The following ZC3H14 variants were observed in gnomAD, a reference collection of about 807,000 sequenced individuals.
ZC3H14 encodes the protein zinc finger CCCH domain-containing protein 14.
A neutral mutation model predicts 92.4 loss-of-function variants in ZC3H14; 31 were observed. The observed-to-expected ratio is 0.34, with a 90% CI of 0.25 to 0.45. The LOEUF is 0.45. Ranked by LOEUF, ZC3H14 falls within the 20% of genes least tolerant of loss-of-function variation. The pLI is 1.00. For synonymous variants in ZC3H14, 321 were observed against 300.9 expected (o/e 1.07, Z -0.69); for missense variants, 781 against 897.3 (o/e 0.87, Z 1.66).
chr14:88,587,567 CA>C (rs984118074), intron 9 of ZC3H14, among the ~76,000 whole-genome samples: 29 of 152,238 alleles, frequency 1.9e-4, no homozygotes, highest in African/African-American at 7.0e-4. Context: ...CAAAGCTGAT[CA>C]AATTTACATT....
chr14:88,588,559 G>A (rs1422551653), intron 9 of ZC3H14, among the ~76,000 whole-genome samples: 1 of 152,024 alleles, frequency 6.6e-6, no homozygotes, highest in East Asian at 1.9e-4. Context: ...TTTTCTCCGG[G>A]AACTTTTTTT....
Position 88,626,226 on chromosome 14 carries a change from C to G in ZC3H14, c.*14475C>G, listed in dbSNP as rs1461206897. 6.6e-6 allele frequency: 1 copy of G among 152,160 alleles called. No homozygotes were observed. The highest frequency in any genetic ancestry group is 1.5e-5 in the Non-Finnish European group (1 of 68,058). 9.4% of individuals were successfully genotyped at this position (152,160 alleles called of 1,614,324 possible). On this transcript the variant is annotated 3_prime_UTR_variant, in exon 17 of 17. Transcript: ENST00000251038. ...CTTTCTCTCTGACAAATTTTTAGGA[C>G]TATGAAGAACTACTAGGAAGACAGA...
chr14:88,563,700 G>A lies in ZC3H14; in HGVS notation c.79+7G>A. 6.2e-7 allele frequency: 1 copy of A among 1,613,458 alleles called. No homozygotes were observed. The highest frequency in any genetic ancestry group is 8.5e-7 in the Non-Finnish European group (1 of 1,179,372). The stretch of plus-strand genomic sequence containing the variant: ...GAATTAGGAGCTTATGTTGGTAAGT[G>A]TTTTTTTGGTTGTTAGTCTTACAGA... On this transcript the variant is annotated splice_region_variant and intron_variant, in intron 2 of 16. Transcript: ENST00000251038.
intron 10 of ZC3H14, among the ~76,000 whole-genome samples, chr14:88,600,922 C>T (rs960987855): frequency 1.3e-5 from 2 of 152,142 alleles, no homozygotes; most frequent in Non-Finnish European, 2.9e-5. Flanking sequence ...TGTGAAAGCC[C>T]CTTTCCTTCT....
chr14:88,602,963 T>C lies in ZC3H14; in HGVS notation c.1650T>C (p.Thr550=), dbSNP rs775612785. ...AAGGAATGAAACCCGTAAACCAAAC[T>C]GCAGCCTCAAACAAGGGACTCAGAG... is the stretch of plus-strand genomic sequence containing the variant. ...CFEGMKPVNQ[T]AASNKGLRGL... is the part of the protein sequence containing the mutation. Residue 550 remains threonine, a synonymous_variant, in exon 12 of 17, where the codon ACT becomes ACC. Transcript: ENST00000251038. 1 of 1,614,132 alleles carries C rather than the reference T, an allele frequency of 6.2e-7. No homozygotes were observed. Among genetic ancestry groups the C allele is most frequent in the Non-Finnish European group, 8.5e-7 (1 of 1,180,014 alleles).
intron 10 of ZC3H14, among the ~76,000 whole-genome samples, chr14:88,601,619 T>G (rs2084657850): frequency 6.6e-6 from 1 of 152,208 alleles, no homozygotes; most frequent in African/African-American, 2.4e-5. Flanking sequence ...AAAAGATTTT[T>G]GTACTTTAAG....
intron 13 of ZC3H14, chr14:88,608,498 T>G: frequency 3.6e-6 from 1 of 279,760 alleles, no homozygotes; most frequent in Non-Finnish European, 7.0e-6. Context: ...CTCTCCAGAG[T>G]AGCGTATTTC....
In ZC3H14 at chr14:88,624,040, G is replaced by T. The variant is rs567715395; in HGVS notation, c.*12289G>T. On this transcript the variant is annotated 3_prime_UTR_variant, in exon 17 of 17. Coordinates refer to ENST00000251038, the MANE Select transcript of ZC3H14 (RefSeq NM_024824.5). ...GGTTCTTTCAATCCTGTATTGAAATGTACTTCTTAGTCAACTATATGTCAC... is the reference window on the plus strand; with the variant it reads ...GGTTCTTTCAATCCTGTATTGAAATTTACTTCTTAGTCAACTATATGTCAC... The T allele has an allele frequency of 6.6e-6, 1 of 152,212 alleles. No homozygotes were observed. Among genetic ancestry groups the T allele is most frequent in the South Asian group, 2.1e-4 (1 of 4,810 alleles). The allele number at this position is 152,212 out of a possible 1,614,324, so 9.4% of individuals were successfully genotyped here. A position where few individuals can be genotyped will look rare whatever the true frequency, so the allele number is the denominator to read the frequency against.
chr14:88,605,257 A>T (rs1246767856), intron 12 of ZC3H14, among the ~76,000 whole-genome samples: 2 of 152,228 alleles, frequency 1.3e-5, no homozygotes, highest in Non-Finnish European at 2.9e-5. Flanking sequence ...AAAACCTGTA[A>T]AAATTAGAGA....
chr14:88,594,510 T>G, intron 9 of ZC3H14: 1 of 1,398,654 alleles, frequency 7.1e-7, no homozygotes. Context: ...TTTAGCTTTT[T>G]CACATTTAGT....
In ZC3H14 at chr14:88,607,358, C is replaced by T. The variant is rs748380041; in HGVS notation, c.1863C>T (p.Pro621=). ...GTGCCTACCATCACCCCATCTCACC[C>T]TGCAAGTGAGTACCATCCCCCCATC... ...DECAYHHPIS[P]CKAFPNCKFA... Residue 621 remains proline, a synonymous_variant, in exon 13 of 17, where the codon CCC becomes CCT. Transcript: ENST00000251038. The T allele has an allele frequency of 1.2e-6, 2 of 1,609,816 alleles. No individual in the cohort carries two copies. The highest frequency in any genetic ancestry group is 1.7e-5 in the Admixed American group (1 of 59,750).
At position 88,618,958 on chromosome 14, in the gene ZC3H14, A is replaced by G. The variant is rs982872441; in HGVS notation, c.*7207A>G. 1.6e-6 allele frequency: 1 copy of G among 637,014 alleles called. No individual in the cohort carries two copies. Among genetic ancestry groups the G allele is most frequent in the African/African-American group, 1.9e-5 (1 of 53,850 alleles). 39.5% of individuals were successfully genotyped at this position (637,014 alleles called of 1,614,324 possible). A position where few individuals can be genotyped will look rare whatever the true frequency, so the allele number is the denominator to read the frequency against. On this transcript the variant is annotated 3_prime_UTR_variant, in exon 17 of 17. Coordinates refer to ENST00000251038, the MANE Select transcript of ZC3H14 (RefSeq NM_024824.5). Reference sequence around the variant, plus strand: ...ACCTGTCAGACACAACTGATCATGTATACTGAGATTGTCTGGGTTACATGA... The same window carrying G: ...ACCTGTCAGACACAACTGATCATGTGTACTGAGATTGTCTGGGTTACATGA...
chr14:88,610,387 G>A (rs904391088), intron 15 of ZC3H14, among the ~76,000 whole-genome samples: 2 of 152,096 alleles, frequency 1.3e-5, no homozygotes, highest in Non-Finnish European at 2.9e-5. Context: ...GTGATTCTTT[G>A]ACTAGAATTT....
intron 9 of ZC3H14, among the ~76,000 whole-genome samples, chr14:88,592,743 C>G (rs2083310361): frequency 6.6e-6 from 1 of 151,966 alleles, no homozygotes; most frequent in Non-Finnish European, 1.5e-5. Context: ...TCAAGTGATC[C>G]ACCTGCCTTG....
rs1208497257 is a variant in ZC3H14 at position 88,621,402 on chromosome 14, T to C, written c.*9651T>C. 1 of 1,459,196 alleles carries C rather than the reference T, an allele frequency of 6.9e-7. No individual in the cohort carries two copies. The highest frequency in any genetic ancestry group is 9.4e-7 in the Non-Finnish European group (1 of 1,058,488). The allele number at this position is 1,459,196 out of a possible 1,614,324, so 90.4% of individuals were successfully genotyped here. ...CTATTGACCTGCTTTCAGAGAACTTTTTGCTTTGAGCTAATCTAGTAGCAA... is the reference window on the plus strand; with the variant it reads ...CTATTGACCTGCTTTCAGAGAACTTCTTGCTTTGAGCTAATCTAGTAGCAA... On this transcript the variant is annotated 3_prime_UTR_variant, in exon 17 of 17. Transcript: ENST00000251038.
intron 9 of ZC3H14, chr14:88,591,252 A>G (rs923593403): frequency 1.3e-5 from 2 of 152,204 alleles, no homozygotes; most frequent in African/African-American, 4.8e-5. Context: ...AGCCTGGCCA[A>G]CATGGTGAAC....
chr14:88,585,103 G>A, intron 9 of ZC3H14, among the ~76,000 whole-genome samples: 1 of 152,086 alleles, frequency 6.6e-6, no homozygotes, highest in South Asian at 2.1e-4. Flanking sequence ...TTGTTTAAGG[G>A]TCAACTATAT....
intron 9 of ZC3H14, among the ~76,000 whole-genome samples, chr14:88,587,287 T>C (rs1221489269): frequency 6.6e-6 from 1 of 151,876 alleles, no homozygotes; most frequent in African/African-American, 2.4e-5. Context: ...CTCAGCCTCC[T>C]TAGTAGCTTG....
Position 88,626,616 on chromosome 14 carries a change from CA to C in ZC3H14, c.*14880del, listed in dbSNP as rs34372433. ...CAGGCGACAGAGTGAGATACTGTGT[CA>C]AAAAAAAAAAAAAATCCTTTTCCCC... On this transcript the variant is annotated 3_prime_UTR_variant, in exon 17 of 17. Coordinates refer to ENST00000251038, the MANE Select transcript of ZC3H14 (RefSeq NM_024824.5). The C allele has an allele frequency of 0.37, 170,069 of 462,986 alleles. 5,635 individuals carry two copies. The highest frequency in any genetic ancestry group is 0.41 in the East Asian group (10,833 of 26,178). 28.7% of individuals were successfully genotyped at this position (462,986 alleles called of 1,614,324 possible).
Sources: allele counts gnomAD v4.1 joint callset (sites outside exome capture counted in the v4.1 genomes callset), GRCh38; gene constraint gnomAD v4.1.1; transcripts MANE v1.5; gene names NCBI Gene and HGNC (gene_info 2026-07-23, HGNC 2026-07-21).